KRT9: variants seen among roughly 807,000 people sequenced by gnomAD.
KRT9 encodes keratin 9.
KRT9 carries 34 observed loss-of-function variants against 51.4 expected under a neutral mutation model. The observed-to-expected ratio is 0.66, with a 90% CI of 0.50 to 0.88. The LOEUF is 0.88. Among genes scored for constraint, KRT9 ranks in the 40% least tolerant of loss-of-function variants. The pLI is 0.00. For synonymous variants in KRT9, 292 were observed against 289.7 expected (o/e 1.01, Z -0.08); for missense variants, 753 against 790.3 (o/e 0.95, Z 0.57).
Position 41,568,299 on chromosome 17 carries a change from C to G in KRT9, c.1257G>C (p.Leu419Phe), listed in dbSNP as rs768328830. 6 of 1,614,072 alleles carry G rather than the reference C, an allele frequency of 3.7e-6. No individual in the cohort carries two copies. The South Asian group carries it at 6.6e-5, about 18-fold the overall frequency. Residue 419 changes from leucine (L) to phenylalanine (F), a missense_variant, in exon 6 of 8, where the codon TTG becomes TTC. Physicochemically the swap from Leu to Phe is conservative, Grantham distance 22. Around this residue, in one of 3 missense-constraint regions of KRT9, gnomAD observed 507 missense variants for 563.7 expected, o/e 0.90. Coordinates refer to ENST00000246662, the MANE Select transcript of KRT9 (RefSeq NM_000226.4). ...GCCGGACGTCAGTGATCTGGGCCTC[C>G]AAGTTACTGATCTGCTCCTGGATCA... ...LQMIQEQISN[L>F]EAQITDVRQE...
intron 1 of KRT9, among the ~76,000 whole-genome samples, chr17:41,570,662 G>A (rs1907051253): frequency 6.6e-6 from 1 of 152,164 alleles, no homozygotes; most frequent in Non-Finnish European, 1.5e-5. Context: ...AAATGGAAGA[G>A]GTTTAGAGTA....
Position 41,571,390 on chromosome 17 carries a change from G to T in KRT9, c.603C>A (p.Tyr201Ter), listed in dbSNP as rs1238480978. 11 of 1,614,078 alleles carry T rather than the reference G, an allele frequency of 6.8e-6. No homozygotes were observed. Among genetic ancestry groups the T allele is most frequent in the Non-Finnish European group, 8.5e-6 (10 of 1,180,006 alleles). ...KKGPAAIQKN[Y>*]SPYYNTIDDL... Reference sequence around the variant, plus strand: ...CATCAATAGTGTTATAATAAGGGGAGTAGTTCTTCTGGATAGCAGCAGGTC... The same window carrying T: ...CATCAATAGTGTTATAATAAGGGGATTAGTTCTTCTGGATAGCAGCAGGTC... The change falls in exon 1 of 8, where the codon TAC (tyrosine) becomes TAA (stop). Residue 201 changes from tyrosine to a stop codon, truncating the protein, a stop_gained. Coordinates refer to ENST00000246662, the MANE Select transcript of KRT9 (RefSeq NM_000226.4). LOFTEE classifies it high-confidence loss of function.
At position 41,571,830 on chromosome 17, in the gene KRT9, C is replaced by A. The variant is rs772792541; in HGVS notation, c.163G>T (p.Gly55Trp). 7 of 1,612,930 alleles carry A rather than the reference C, an allele frequency of 4.3e-6. No homozygotes were observed. Among genetic ancestry groups the A allele is most frequent in the African/African-American group, 1.3e-5 (1 of 74,902 alleles). Residue 55 changes from glycine (G) to tryptophan (W), a missense_variant, in exon 1 of 8, where the codon GGG becomes TGG. Transcript: ENST00000246662. ...CTCCCACAGACACGAGAGCTTCCCC[C>A]ACCATAGCCACTAGAAGAGCTGAAT... ...GRFSSSSGYG[G>W]GSSRVCGRGG... is the part of the protein sequence containing the mutation.
chr17:41,569,688 G>T (rs1175165119), intron 3 of KRT9, 101 bp from the exon 4 acceptor site: 2 of 1,534,842 alleles, frequency 1.3e-6, no homozygotes, highest in African/African-American at 1.4e-5. Context: ...AGGGGACACA[G>T]TTGTGAAGCC....
chr17:41,567,541 C>A lies in KRT9; in HGVS notation c.1604G>T (p.Gly535Val). 5.2e-6 allele frequency: 8 copies of A among 1,551,830 alleles called. No individual in the cohort carries two copies. The highest frequency in any genetic ancestry group is 6.1e-6 in the Non-Finnish European group (7 of 1,147,296). ...GCTATGGCCACCTCCACTTCCTCCA[C>A]CATAGCCACCTCCACTACCTCCTCC... Reference protein sequence around the residue: ...GSGGGSGGGYGGGSGGGHSGG... With the variant: ...GSGGGSGGGYVGGSGGGHSGG... Residue 535 changes from glycine (G) to valine (V), a missense_variant, in exon 7 of 8, where the codon GGT (glycine) becomes GTT (valine). By Grantham distance (109) the Gly-to-Val change is moderately radical. This residue lies in a region of KRT9 where 507 missense variants were observed against 563.7 expected (regional missense o/e 0.90). Coordinates refer to ENST00000246662, the MANE Select transcript of KRT9 (RefSeq NM_000226.4).
intron 4 of KRT9, among the ~76,000 whole-genome samples, 194 bp from the exon 5 acceptor site, chr17:41,568,827 C>A (rs1262475293): frequency 6.6e-6 from 1 of 152,036 alleles, no homozygotes; most frequent in Non-Finnish European, 1.5e-5. Flanking sequence ...TCCCTCTCAA[C>A]AAAGTTGCAA....
Position 41,571,920 on chromosome 17 carries a change from C to T in KRT9, c.73G>A (p.Gly25Arg), listed in dbSNP as rs762726903. The T allele has an allele frequency of 9.4e-6, 15 of 1,591,614 alleles. No homozygotes were observed. Among genetic ancestry groups the T allele is most frequent in the South Asian group, 2.3e-5 (2 of 88,374 alleles). ...CTGTAGGAAGACCTTATGCTGCCCC[C>T]GCTGCCCAGGCCGCCCCCGCCACCC... Reference protein sequence around the residue: ...GGGGGGGLGSGGSIRSSYSRF... With the variant: ...GGGGGGGLGSRGSIRSSYSRF... Residue 25 changes from glycine (G) to arginine (R), a missense_variant, in exon 1 of 8, where the codon GGG becomes AGG. By Grantham distance (125) the Gly-to-Arg change is moderately radical (BLOSUM62 -2). Transcript: ENST00000246662.
In KRT9 at chr17:41,571,356, C is replaced by A; in HGVS notation, c.637G>T (p.Asp213Tyr). The A allele has an allele frequency of 6.2e-7, 1 of 1,613,728 alleles. No individual in the cohort carries two copies. The highest frequency in any genetic ancestry group is 2.2e-5 in the East Asian group (1 of 44,880). The change falls in exon 1 of 8, where the codon GAC (aspartate) becomes TAC (tyrosine). Residue 213 changes from aspartate to tyrosine, a missense_variant. Asp to Tyr is a radical substitution (Grantham distance 160, BLOSUM62 -3). This residue lies in a region of KRT9 where 507 missense variants were observed against 563.7 expected (regional missense o/e 0.90). Coordinates refer to ENST00000246662, the MANE Select transcript of KRT9 (RefSeq NM_000226.4). ...AGACAGTTTCCTGCACCTACCTGGTCCTTGAGATCATCAATAGTGTTATAA... is the reference window on the plus strand; with the variant it reads ...AGACAGTTTCCTGCACCTACCTGGTACTTGAGATCATCAATAGTGTTATAA... ...PYYNTIDDLK[D>Y]QIVDLTVGNN...
intron 6 of KRT9, 54 bp downstream of exon 6, chr17:41,568,108 A>G (rs1906939216): frequency 1.4e-6 from 2 of 1,431,408 alleles, no homozygotes; most frequent in Non-Finnish European, 2.0e-6. Flanking sequence ...GGACAGAAGT[A>G]GTATCAGAGG....
At position 41,568,608 on chromosome 17, in the gene KRT9, G is replaced by A. The variant is rs199503084; in HGVS notation, c.1070C>T (p.Ser357Phe). Reference sequence around the variant, plus strand: ...GGACTGCACCTCCTGACCACTACTGGATACCTCATGCTCGATCTGGGTTAT... The same window carrying A: ...GGACTGCACCTCCTGACCACTACTGAATACCTCATGCTCGATCTGGGTTAT... Reference protein sequence around the residue: ...TQITQIEHEVSSSGQEVQSSA... With the variant: ...TQITQIEHEVFSSGQEVQSSA... Residue 357 changes from serine to phenylalanine, a missense_variant, in exon 5 of 8, where the codon TCC (serine) becomes TTC (phenylalanine). Ser to Phe is a radical substitution (Grantham distance 155). Transcript: ENST00000246662. The A allele has an allele frequency of 6.2e-7, 1 of 1,614,098 alleles. No homozygotes were observed. Among genetic ancestry groups the A allele is most frequent in the African/African-American group, 1.3e-5 (1 of 74,996 alleles).
At chr17:41,567,137 T>A (rs1315829083) in intron 7 of KRT9, 96 bp downstream of exon 7, 6 of 1,572,448 alleles carry the variant, frequency 3.8e-6, no homozygotes, top group Non-Finnish European at 5.2e-6. Context: ...TCTAGCTCTA[T>A]TCAGAATCTG....
At position 41,567,292 on chromosome 17, in the gene KRT9, C is replaced by T. The variant is rs1266306248; in HGVS notation, c.1853G>A (p.Gly618Glu). 6.2e-7 allele frequency: 1 copy of T among 1,614,198 alleles called. No individual in the cohort carries two copies. Among genetic ancestry groups the T allele is most frequent in the Admixed American group, 1.7e-5 (1 of 60,032 alleles). Residue 618 changes from glycine to glutamate, a missense_variant, in exon 7 of 8, where the codon GGA becomes GAA. Physicochemically the swap from Gly to Glu is moderately conservative, Grantham distance 98 (BLOSUM62 -2). Transcript: ENST00000246662. ...GSGGGYGGGS[G>E]KSSHS ...AGAAGACTAGGAATGGGATGATTTT[C>T]CGCTTCCTCCTCCGTAGCCGCCACC...
rs1907071975 is a variant in KRT9, at chr17:41,571,423, G to T, written c.570C>A (p.Asp190Glu). The change falls in exon 1 of 8, where the codon GAC becomes GAA. Residue 190 changes from aspartate to glutamate, a missense_variant. Around this residue, in one of 3 missense-constraint regions of KRT9, gnomAD observed 507 missense variants for 563.7 expected, o/e 0.90. Transcript: ENST00000246662. ...DLENKIQDWY[D>E]KKGPAAIQKN... The stretch of plus-strand genomic sequence containing the variant: ...TCTGGATAGCAGCAGGTCCCTTCTT[G>T]TCGTACCAATCCTGGATCTTATTCT... 1 of 1,613,886 alleles carries T rather than the reference G, an allele frequency of 6.2e-7. No individual in the cohort carries two copies. The highest frequency in any genetic ancestry group is 1.3e-5 in the African/African-American group (1 of 74,852).
chr17:41,567,820 A>G, intron 6 of KRT9, 70 bp from the exon 7 acceptor site: 1 of 1,605,794 alleles, frequency 6.2e-7, no homozygotes, highest in African/African-American at 1.3e-5. Context: ...ATGGACCTGG[A>G]CAGAGTCAGG....
Position 41,569,939 on chromosome 17 carries a change from T to G in KRT9, c.802A>C (p.Thr268Pro). The G allele has an allele frequency of 6.2e-7, 1 of 1,614,158 alleles. No homozygotes were observed. The highest frequency in any genetic ancestry group is 1.1e-5 in the South Asian group (1 of 91,080). Residue 268 changes from threonine to proline, a missense_variant, in exon 3 of 8, where the codon ACC (threonine) becomes CCC (proline). Coordinates refer to ENST00000246662, the MANE Select transcript of KRT9 (RefSeq NM_000226.4). ...NGLRQVLDNL[T>P]MEKSDLEMQY... The stretch of plus-strand genomic sequence containing the variant: ...ATCTCCAGGTCAGACTTCTCCATGG[T>G]CAGATTGTCCAGCACCTGCCGCAGG...
chr17:41,571,384 A>C lies in KRT9; in HGVS notation c.609T>G (p.Pro203=), dbSNP rs370731154. Residue 203 remains proline, a synonymous_variant, in exon 1 of 8, where the codon CCT becomes CCG. Coordinates refer to ENST00000246662, the MANE Select transcript of KRT9 (RefSeq NM_000226.4). ...GPAAIQKNYS[P]YYNTIDDLKD... ...TGAGATCATCAATAGTGTTATAATA[A>C]GGGGAGTAGTTCTTCTGGATAGCAG... 2 of 1,613,964 alleles carry C rather than the reference A, an allele frequency of 1.2e-6. No homozygotes were observed. The highest frequency in any genetic ancestry group is 1.7e-6 in the Non-Finnish European group (2 of 1,180,008).
chr17:41,569,511 G>C lies in KRT9; in HGVS notation c.959C>G (p.Thr320Ser). ...EINVAPGKDL[T>S]KTLNDMRQEY... ...CTGACGCATGTCATTGAGGGTCTTG[G>C]TGAGATCTTTGCCAGGAGCAACGTT... is the stretch of plus-strand genomic sequence containing the variant. Residue 320 changes from threonine to serine, a missense_variant, in exon 4 of 8, where the codon ACC (threonine) becomes AGC (serine). By Grantham distance (58) the Thr-to-Ser change is moderately conservative. Transcript: ENST00000246662. The C allele has an allele frequency of 6.2e-7, 1 of 1,614,156 alleles. No homozygotes were observed. Among genetic ancestry groups the C allele is most frequent in the South Asian group, 1.1e-5 (1 of 91,074 alleles).
rs376528238 is a variant in KRT9, at chr17:41,570,032, G to A, written c.726-17C>T. 6.9e-5 allele frequency: 112 copies of A among 1,614,016 alleles called. No homozygotes were observed. The highest frequency in any genetic ancestry group is 8.4e-5 in the Non-Finnish European group (99 of 1,180,032). ...ATCTCAAACCTGCAGACCAGCCAGG[G>A]TTAGAAAACAATCAAGAGGGAACCA... On this transcript the variant is annotated splice_polypyrimidine_tract_variant and intron_variant, in intron 2 of 7. Transcript: ENST00000246662.
Position 41,567,611 on chromosome 17 carries a change from A to G in KRT9, c.1534T>C (p.Ser512Pro). The change falls in exon 7 of 8, where the codon TCC (serine) becomes CCC (proline). Residue 512 changes from serine to proline, a missense_variant. Around this residue, in one of 3 missense-constraint regions of KRT9, gnomAD observed 507 missense variants for 563.7 expected, o/e 0.90. Coordinates refer to ENST00000246662, the MANE Select transcript of KRT9 (RefSeq NM_000226.4). ...TAGCTGCCTCCACTTCCTCCCCTGG[A>G]CCCACTTCCTCCACCATAGCCACCT... ...SGGGYGGGSG[S>P]RGGSGGSYGG... 1 of 1,560,916 alleles carries G rather than the reference A, an allele frequency of 6.4e-7. No homozygotes were observed. The highest frequency in any genetic ancestry group is 8.7e-7 in the Non-Finnish European group (1 of 1,155,228).
Sources: allele counts gnomAD v4.1 joint callset (sites outside exome capture counted in the v4.1 genomes callset), GRCh38; gene constraint gnomAD v4.1.1; regional missense constraint gnomAD v4.1.1; transcripts MANE v1.5; gene names NCBI Gene and HGNC (gene_info 2026-07-23, HGNC 2026-07-21).